PPP2R5A: variants seen among roughly 807,000 people sequenced by gnomAD.
PPP2R5A encodes the protein protein phosphatase 2 regulatory subunit B'alpha.
A neutral mutation model predicts 64.2 loss-of-function variants in PPP2R5A; 25 were observed. The observed-to-expected ratio is 0.39, with a 90% CI of 0.28 to 0.54. PPP2R5A has a LOEUF of 0.54. PPP2R5A is among the 20% of genes least tolerant of loss of function. The probability of loss-of-function intolerance (pLI) is 0.67; values close to 1 mark genes in which losing one functional copy is unlikely to be tolerated. For synonymous variants in PPP2R5A, 198 were observed against 201.2 expected (o/e 0.98, Z 0.13); for missense variants, 425 against 576.3 (o/e 0.74, Z 2.69).
chr1:212,340,267 A>G (rs866459278), intron 3 of PPP2R5A, among the ~76,000 whole-genome samples: 10 of 152,166 alleles, frequency 6.6e-5, no homozygotes, highest in Non-Finnish European at 1.3e-4. Flanking sequence ...CAAGTTGCAT[A>G]TCCTCCTTAA....
At chr1:212,359,765 T>A (rs1660047938) in intron 12 of PPP2R5A, among the ~76,000 whole-genome samples, 2 of 152,194 alleles carry the variant, frequency 1.3e-5, no homozygotes, top group African/African-American at 4.8e-5. Flanking sequence ...CTCAATGCAT[T>A]ATTTCCTTTA....
At chr1:212,290,768 CA>C (rs1182770815) in intron 1 of PPP2R5A, among the ~76,000 whole-genome samples, 2 of 152,118 alleles carry the variant, frequency 1.3e-5, no homozygotes, top group Non-Finnish European at 2.9e-5. Flanking sequence ...TAAAATAATG[CA>C]ACCATTGTAG....
intron 1 of PPP2R5A, among the ~76,000 whole-genome samples, chr1:212,311,976 TATAGTAGTGTACAGTA>T (rs1295319632): frequency 1.3e-5 from 2 of 152,352 alleles, no homozygotes; most frequent in Non-Finnish European, 2.9e-5. Context: ...TTATAAAGTC[TATAGTAGTGTACAGTA>T]ATGTCCTAGG....
At position 212,360,801 on chromosome 1, in the gene PPP2R5A, CAG is replaced by C. The variant is rs1361401892; in HGVS notation, c.*34_*35del. On this transcript the variant is annotated 3_prime_UTR_variant, in exon 13 of 13. Transcript: ENST00000261461. ...AAGCCTCCCACCTCTGCCGGATAGG[CAG>C]AGTTTTGTATGCTTTTTTGAAATAT... The C allele has an allele frequency of 6.7e-7, 1 of 1,493,866 alleles. No individual in the cohort carries two copies. The highest frequency in any genetic ancestry group is 8.9e-7 in the Non-Finnish European group (1 of 1,122,954). 92.5% of individuals were successfully genotyped at this position (1,493,866 alleles called of 1,614,324 possible).
chr1:212,321,154 C>T (rs1571591320), intron 1 of PPP2R5A, among the ~76,000 whole-genome samples: 1 of 145,912 alleles, frequency 6.9e-6, no homozygotes, highest in East Asian at 2.1e-4. Flanking sequence ...CAGAGGCGCC[C>T]CTCACCTCCT....
At chr1:212,348,761 T>G (rs1659826968) in intron 7 of PPP2R5A, among the ~76,000 whole-genome samples, 2 of 151,964 alleles carry the variant, frequency 1.3e-5, no homozygotes. Context: ...TATGTGACTT[T>G]GAATAAATCC....
chr1:212,302,860 G>C (rs1448119802), intron 1 of PPP2R5A, among the ~76,000 whole-genome samples: 1 of 152,032 alleles, frequency 6.6e-6, no homozygotes, highest in South Asian at 2.1e-4. Flanking sequence ...TTTGTAATAG[G>C]CTTCTTTCAT....
At chr1:212,294,658 A>AATG (rs56805362) in intron 1 of PPP2R5A, among the ~76,000 whole-genome samples, 7,559 of 152,288 alleles carry the variant, frequency 0.05, 330 homozygotes, top group African/African-American at 0.12. Flanking sequence ...AAGTGAAAAC[A>AATG]ATGAATGCTT....
chr1:212,345,881 TTTC>T lies in PPP2R5A; in HGVS notation c.655_657del (p.Leu219del), dbSNP rs1379498203. The T allele has an allele frequency of 6.2e-7, 1 of 1,611,412 alleles. No homozygotes were observed. The highest frequency in any genetic ancestry group is 8.5e-7 in the Non-Finnish European group (1 of 1,178,428). On this transcript the variant is annotated inframe_deletion, in exon 5 of 13. Transcript: ENST00000261461. ...TGTTCTGCACCGAATTTATGGGAAA[TTTC>T]TTGGATTAAGAGCATTCATCAGAAA...
chr1:212,303,607 CT>C (rs1373646553), intron 1 of PPP2R5A, among the ~76,000 whole-genome samples: 8 of 151,938 alleles, frequency 5.3e-5, no homozygotes, highest in Non-Finnish European at 5.9e-5. Context: ...TCTAAGGATC[CT>C]TTCCCAGATA....
intron 1 of PPP2R5A, among the ~76,000 whole-genome samples, chr1:212,296,706 TTAGA>T (rs1356863867): frequency 2.0e-5 from 3 of 152,372 alleles, no homozygotes; most frequent in African/African-American, 7.2e-5. Flanking sequence ...TACACAGGAT[TTAGA>T]TAGTCAATGC....
chr1:212,353,967 G>A (rs1476774542), intron 8 of PPP2R5A, among the ~76,000 whole-genome samples: 5 of 151,914 alleles, frequency 3.3e-5, no homozygotes, highest in Non-Finnish European at 7.4e-5. Context: ...GGTAGATCAC[G>A]AGGTCAGGAG....
At chr1:212,354,175 C>A (rs1358006329) in intron 8 of PPP2R5A, among the ~76,000 whole-genome samples, 1 of 152,058 alleles carries the variant, frequency 6.6e-6, no homozygotes, top group Non-Finnish European at 1.5e-5. Context: ...CAGAGCGAGA[C>A]TCTGTCTCAA....
intron 9 of PPP2R5A, 106 bp from the exon 10 acceptor site, chr1:212,356,844 T>G: frequency 7.8e-7 from 1 of 1,276,810 alleles, no homozygotes; most frequent in Non-Finnish European, 1.1e-6. Context: ...CCAGACATTT[T>G]TTTGCTTATT....
intron 5 of PPP2R5A, 53 bp from the exon 6 acceptor site, chr1:212,347,294 T>G (rs1659799734): frequency 7.7e-7 from 1 of 1,291,632 alleles, no homozygotes; most frequent in East Asian, 2.4e-5. Flanking sequence ...CCTGTTTCTC[T>G]TAGTTTTCTG....
At chr1:212,353,601 A>G (rs1400979902) in intron 8 of PPP2R5A, among the ~76,000 whole-genome samples, 1 of 152,200 alleles carries the variant, frequency 6.6e-6, no homozygotes, top group Admixed American at 6.5e-5. Flanking sequence ...AGATACTCAT[A>G]TATATCTTTT....
intron 1 of PPP2R5A, among the ~76,000 whole-genome samples, chr1:212,328,198 T>A (rs1305346615): frequency 6.6e-6 from 1 of 152,168 alleles, no homozygotes; most frequent in African/African-American, 2.4e-5. Context: ...AACAGAGATA[T>A]GCACCTAAAA....
intron 7 of PPP2R5A, 97 bp downstream of exon 7, chr1:212,348,594 A>G: frequency 4.4e-6 from 4 of 906,820 alleles, no homozygotes; most frequent in South Asian, 1.8e-5. Flanking sequence ...AGTTTTAAGT[A>G]TAATTAAGCA....
At position 212,286,038 on chromosome 1, in the gene PPP2R5A, C is replaced by T; in HGVS notation, c.-73C>T. 16 of 1,412,204 alleles carry T rather than the reference C, an allele frequency of 1.1e-5. No homozygotes were observed. Among genetic ancestry groups the T allele is most frequent in the Non-Finnish European group, 1.4e-5 (15 of 1,085,146 alleles). 87.5% of individuals were successfully genotyped at this position (1,412,204 alleles called of 1,614,324 possible). A position where few individuals can be genotyped will look rare whatever the true frequency, so the allele number is the denominator to read the frequency against. Reference sequence around the variant, plus strand: ...AGCACCCCGCGCCTCTCCCCCGCCTCCTCCTGCCGTCTCCGCCGCTGCCCG... The same window carrying T: ...AGCACCCCGCGCCTCTCCCCCGCCTTCTCCTGCCGTCTCCGCCGCTGCCCG... On this transcript the variant is annotated 5_prime_UTR_variant, in exon 1 of 13. Transcript: ENST00000261461.
Sources: gnomAD v4.1 joint callset for allele counts (sites outside exome capture counted in the v4.1 genomes callset) on GRCh38, gnomAD v4.1.1 for gene constraint, MANE v1.5 for transcripts, NCBI Gene and HGNC (gene_info 2026-07-23, HGNC 2026-07-21) for gene names.